Variants in PARP4 observed in about 807,000 individuals in gnomAD.
PARP4 encodes poly(ADP-ribose) polymerase family member 4, also known as protein mono-ADP-ribosyltransferase PARP4.
A neutral mutation model predicts 187.7 loss-of-function variants in PARP4; 120 were observed. The ratio of observed to expected loss-of-function variants is 0.64; its 90% CI spans 0.55 to 0.74. The LOEUF (loss-of-function observed/expected upper bound fraction) is 0.74, where lower values mean the gene tolerates loss of function less well. Among genes scored for constraint, PARP4 ranks in the 30% least tolerant of loss-of-function variants. The pLI is 0.00. For synonymous variants in PARP4, 654 were observed against 740.9 expected, an observed-to-expected ratio of 0.88 and a Z score of 1.90; for missense variants, 1,836 against 2,070.5, an observed-to-expected ratio of 0.89 and a Z score of 2.20.
intron 10 of PARP4, among the ~76,000 whole-genome samples, chr13:24,488,278 C>G (rs1392036848): frequency 6.6e-6 from 1 of 151,844 alleles, no homozygotes; most frequent in Admixed American, 6.6e-5. Context: ...CAGATCTCAG[C>G]GGACACCTAG....
intron 17 of PARP4, among the ~76,000 whole-genome samples, chr13:24,462,740 A>C (rs1281029550): frequency 1.3e-5 from 2 of 152,212 alleles, no homozygotes; most frequent in Admixed American, 6.5e-5. Flanking sequence ...TGCTAGAAAC[A>C]AACACATTAT....
rs1326868259 is a variant in PARP4, at chr13:24,493,596, A to G, written c.879T>C (p.Asp293=). Residue 293 remains aspartate, a splice_region_variant and synonymous_variant, in exon 8 of 34, where the codon GAT becomes GAC. Transcript: ENST00000381989. Reference sequence around the variant, plus strand: ...CTGTTTCAGCGACACACCAACTTACATCGTTGAGGCTAATCCTGTTCACTG... The same window carrying G: ...CTGTTTCAGCGACACACCAACTTACGTCGTTGAGGCTAATCCTGTTCACTG... The part of the protein sequence containing the change: ...LKPVNRISLN[D]VSKAEGILLL... 6.3e-7 allele frequency: 1 copy of G among 1,597,968 alleles called. No individual in the cohort carries two copies. Among genetic ancestry groups the G allele is most frequent in the African/African-American group, 1.4e-5 (1 of 73,858 alleles).
chr13:24,511,975 T>C (rs1486624883), intron 1 of PARP4, among the ~76,000 whole-genome samples: 1 of 152,238 alleles, frequency 6.6e-6, no homozygotes, highest in East Asian at 1.9e-4. Flanking sequence ...ACTTAATAAA[T>C]GATAAAGTCA....
chr13:24,491,715 C>G (rs1324710704), intron 9 of PARP4, among the ~76,000 whole-genome samples: 1 of 152,228 alleles, frequency 6.6e-6, no homozygotes, highest in Non-Finnish European at 1.5e-5. Flanking sequence ...CTGCCTTCCT[C>G]TACTCACTAA....
chr13:24,483,673 C>T (rs1357052581), intron 12 of PARP4, among the ~76,000 whole-genome samples: 1 of 151,998 alleles, frequency 6.6e-6, no homozygotes, highest in East Asian at 1.9e-4. Context: ...GTCACCCAGG[C>T]TGGAGTGCAG....
intron 2 of PARP4, 126 bp from the exon 3 acceptor site, chr13:24,501,960 G>C: frequency 1.6e-6 from 1 of 618,464 alleles, no homozygotes; most frequent in South Asian, 2.1e-5. Context: ...CTCAAATTTC[G>C]AAAAACCTCT....
intron 33 of PARP4, among the ~76,000 whole-genome samples, chr13:24,425,898 T>G (rs7991450): frequency 0.43 from 65,039 of 151,788 alleles, 14,670 homozygotes; most frequent in African/African-American, 0.57. Context: ...GTATTCACGT[T>G]TGCAGGCAAA....
In PARP4 at chr13:24,456,403, C is replaced by G. The variant is rs779291142; in HGVS notation, c.2500G>C (p.Gly834Arg). ...CTTGGGAGATAGGCAGCAGACAAACCGATGTGGAGAGAAAATCCACTGCTG... is the reference window on the plus strand; with the variant it reads ...CTTGGGAGATAGGCAGCAGACAAACGGATGTGGAGAGAAAATCCACTGCTG... ...LDSSGFSLHI[G>R]LSAAYLPRMW... Residue 834 changes from glycine to arginine, a missense_variant, in exon 21 of 34, where the codon GGT (glycine) becomes CGT (arginine). Around this residue, in one of 8 missense-constraint regions of PARP4, gnomAD observed 1,147 missense variants for 1,214.2 expected, o/e 0.94. Transcript: ENST00000381989. The G allele has an allele frequency of 6.2e-7, 1 of 1,612,142 alleles. No homozygotes were observed. Among genetic ancestry groups the G allele is most frequent in the South Asian group, 1.1e-5 (1 of 90,940 alleles).
At chr13:24,449,387 C>CAA (rs55699776) in intron 25 of PARP4, among the ~76,000 whole-genome samples, 12 of 82,098 alleles carry the variant, frequency 1.5e-4, no homozygotes, top group African/African-American at 5.2e-4. Context: ...GACTCTGTCT[C>CAA]AAAAAAAAAA....
intron 1 of PARP4, among the ~76,000 whole-genome samples, chr13:24,505,482 GA>G (rs1869584305): frequency 6.6e-6 from 1 of 152,192 alleles, no homozygotes; most frequent in Non-Finnish European, 1.5e-5. Flanking sequence ...AGTTTCTTCA[GA>G]TAAGCCTCTG....
intron 32 of PARP4, among the ~76,000 whole-genome samples, 195 bp downstream of exon 32, chr13:24,431,182 C>A (rs1193847903): frequency 1.3e-5 from 2 of 152,086 alleles, no homozygotes; most frequent in Non-Finnish European, 2.9e-5. Context: ...TCAGATAATA[C>A]CCTAATTAGT....
intron 21 of PARP4, among the ~76,000 whole-genome samples, 185 bp downstream of exon 21, chr13:24,456,156 G>A (rs1303343312): frequency 1.3e-5 from 2 of 152,116 alleles, no homozygotes; most frequent in Non-Finnish European, 2.9e-5. Context: ...AAGGGTTTTG[G>A]ATGAAACGTC....
intron 15 of PARP4, among the ~76,000 whole-genome samples, chr13:24,471,082 G>C (rs893821135): frequency 1.8e-4 from 27 of 152,174 alleles, no homozygotes; most frequent in African/African-American, 6.5e-4. Flanking sequence ...AGTGTGCCTG[G>C]TGAGGAGGCA....
intron 25 of PARP4, among the ~76,000 whole-genome samples, chr13:24,448,450 A>G (rs1293921860): frequency 4.2e-5 from 2 of 47,800 alleles, no homozygotes; most frequent in Admixed American, 3.5e-4. Flanking sequence ...GATTTCAATC[A>G]ATAAGGAAAA....
In PARP4 at chr13:24,492,415, G is replaced by C. The variant is rs1237122303; in HGVS notation, c.1053+6C>G. On this transcript the variant is annotated splice_donor_region_variant and intron_variant, in intron 9 of 33. Transcript: ENST00000381989. ...ATAAATAGAATTCTATATTTCAGAG[G>C]TTTACCTGGCAGAGGTCTGCTTTCT... The C allele has an allele frequency of 6.2e-7, 1 of 1,604,570 alleles. No homozygotes were observed. Among genetic ancestry groups the C allele is most frequent in the Non-Finnish European group, 8.5e-7 (1 of 1,174,572 alleles).
At chr13:24,468,908 T>C (rs1872611009) in intron 17 of PARP4, 116 bp downstream of exon 17, 6 of 753,240 alleles carry the variant, frequency 8.0e-6, no homozygotes, top group African/African-American at 1.7e-5. Flanking sequence ...AGTGGAACTC[T>C]GGGGCCTACA....
chr13:24,475,623 C>T (rs1296738299), intron 14 of PARP4, 27 bp from the exon 15 acceptor site: 2 of 1,607,202 alleles, frequency 1.2e-6, no homozygotes, highest in Non-Finnish European at 1.7e-6. Flanking sequence ...TTACTATTAG[C>T]TTTCAAAACC....
intron 6 of PARP4, among the ~76,000 whole-genome samples, chr13:24,495,380 T>C (rs1593648431): frequency 6.6e-6 from 1 of 151,260 alleles, no homozygotes; most frequent in Non-Finnish European, 1.5e-5. Context: ...AAAAAAAATC[T>C]GGAGGGGAAG....
At chr13:24,496,679 TGGGCCTCTGTGA>T (rs992067499) in intron 6 of PARP4, among the ~76,000 whole-genome samples, 122 of 152,264 alleles carry the variant, frequency 8.0e-4, no homozygotes, top group Admixed American at 1.8e-3. Flanking sequence ...GGAGCCTGTG[TGGGCCTCTGTGA>T]GGGCCACTCT....
Sources: gnomAD v4.1 joint callset for allele counts (sites outside exome capture counted in the v4.1 genomes callset) on GRCh38, gnomAD v4.1.1 for gene constraint, gnomAD v4.1.1 regional missense constraint, MANE v1.5 for transcripts, NCBI Gene and HGNC (gene_info 2026-07-23, HGNC 2026-07-21) for gene names.